Variants in B3GNT2 observed in about 807,000 individuals in gnomAD.
B3GNT2 encodes the protein N-acetyllactosaminide beta-1,3-N-acetylglucosaminyltransferase 2.
B3GNT2 carries 12 observed loss-of-function variants against 27.6 expected under a neutral mutation model. The ratio of observed to expected loss-of-function variants is 0.44; its 90% CI spans 0.28 to 0.71. The LOEUF (loss-of-function observed/expected upper bound fraction) is 0.71. B3GNT2 is among the 30% of genes least tolerant of loss of function. B3GNT2 has a pLI of 0.17. For missense variants in B3GNT2, 413 were observed against 488.5 expected, an observed-to-expected ratio of 0.85 and a Z score of 1.46; for synonymous variants, 192 against 189.7, an observed-to-expected ratio of 1.01 and a Z score of -0.10.
rs141168002 is a variant in B3GNT2 at position 62,213,901 on chromosome 2, A to G, written c.-9-8311A>G. Reference sequence around the variant, plus strand: ...GTAAACTTGTCCAGATGACCAAAGTATCTGTTCCTTTAGCAAATGCTGGGT... The same window carrying G: ...GTAAACTTGTCCAGATGACCAAAGTGTCTGTTCCTTTAGCAAATGCTGGGT... On this transcript the variant is annotated intron_variant, in intron 1 of 1. Transcript: ENST00000301998. Among the ~76,000 whole-genome samples, 392 of 152,312 alleles carry G rather than the reference A, an allele frequency of 2.6e-3. 5 individuals carry two copies. Among genetic ancestry groups the G allele is most frequent in the African/African-American group, 8.9e-3 (369 of 41,558 alleles).
Position 62,223,776 on chromosome 2 carries a change from T to A in B3GNT2, c.*362T>A, listed in dbSNP as rs1674772502. The A allele has an allele frequency of 5.4e-6, 1 of 184,552 alleles. No individual in the cohort carries two copies. The highest frequency in any genetic ancestry group is 1.6e-4 in the South Asian group (1 of 6,064). The allele number at this position is 184,552 out of a possible 1,614,324, so 11.4% of individuals were successfully genotyped here. A position where few individuals can be genotyped will look rare whatever the true frequency, so the allele number is the denominator to read the frequency against. On this transcript the variant is annotated 3_prime_UTR_variant, in exon 2 of 2. Coordinates refer to ENST00000301998, the MANE Select transcript of B3GNT2 (RefSeq NM_006577.6). ...CTTCCCATAATAATGACTGATTTAT[T>A]TGTAATTCAGGTATTTATAAACCTA...
At chr2:62,208,041 G>A (rs1674410512) in intron 1 of B3GNT2, among the ~76,000 whole-genome samples, 1 of 152,154 alleles carries the variant, frequency 6.6e-6, no homozygotes, top group African/African-American at 2.4e-5. Flanking sequence ...GAGTTTGAGA[G>A]GGGTCATCTT....
intron 1 of B3GNT2, among the ~76,000 whole-genome samples, chr2:62,214,239 G>T (rs2104203040): frequency 6.6e-6 from 1 of 152,348 alleles, no homozygotes; most frequent in Middle Eastern, 3.4e-3. Context: ...GGAACAGCAT[G>T]AGCAGGGAGG....
chr2:62,207,398 T>TA (rs760085572), intron 1 of B3GNT2, among the ~76,000 whole-genome samples: 1 of 152,166 alleles, frequency 6.6e-6, no homozygotes, highest in African/African-American at 2.4e-5. Context: ...TGGTTAGACT[T>TA]ACGGTTCTTG....
chr2:62,208,643 G>A (rs539437285), intron 1 of B3GNT2, among the ~76,000 whole-genome samples: 1 of 152,120 alleles, frequency 6.6e-6, no homozygotes, highest in Non-Finnish European at 1.5e-5. Flanking sequence ...GCTGGGGAGG[G>A]GGGTGTGTGT....
intron 1 of B3GNT2, among the ~76,000 whole-genome samples, chr2:62,218,164 A>C (rs1317668851): frequency 6.6e-6 from 1 of 152,216 alleles, no homozygotes; most frequent in Non-Finnish European, 1.5e-5. Context: ...GTTTAGTCAG[A>C]TATTTAGAGA....
chr2:62,203,728 AAG>A (rs1469576641), intron 1 of B3GNT2, among the ~76,000 whole-genome samples: 1 of 152,158 alleles, frequency 6.6e-6, no homozygotes, highest in African/African-American at 2.4e-5. Context: ...CTATTGGTGC[AAG>A]ACCCCAGAAG....
At chr2:62,214,152 A>G (rs1057154106) in intron 1 of B3GNT2, among the ~76,000 whole-genome samples, 11 of 152,248 alleles carry the variant, frequency 7.2e-5, no homozygotes, top group Admixed American at 7.2e-4. Context: ...AAGGAGTTCT[A>G]GAAAACAACA....
At position 62,223,065 on chromosome 2, in the gene B3GNT2, A is replaced by G. The variant is rs906225929; in HGVS notation, c.845A>G (p.His282Arg). The G allele has an allele frequency of 6.2e-7, 1 of 1,614,128 alleles. No homozygotes were observed. Among genetic ancestry groups the G allele is most frequent in the Non-Finnish European group, 8.5e-7 (1 of 1,180,048 alleles). Residue 282 changes from histidine to arginine, a missense_variant, in exon 2 of 2, where the codon CAT becomes CGT. Transcript: ENST00000301998. ...GATGTGATCCACAATGCTGGACCTC[A>G]TCGGGATAAGAAGCTGAAGTACTAC... is the stretch of plus-strand genomic sequence containing the variant. ...IGDVIHNAGP[H>R]RDKKLKYYIP...
chr2:62,217,583 A>G (rs1674600741), intron 1 of B3GNT2, among the ~76,000 whole-genome samples: 2 of 152,150 alleles, frequency 1.3e-5, no homozygotes, highest in Admixed American at 1.3e-4. Flanking sequence ...TCTATGCAGC[A>G]CTGTAGGGGT....
In B3GNT2 at chr2:62,222,242, A is replaced by G. The variant is rs375165204; in HGVS notation, c.22A>G (p.Ile8Val). The stretch of plus-strand genomic sequence containing the variant: ...AGAAATGAGTGTTGGACGTCGAAGA[A>G]TAAAGTTGTTGGGTATCCTGATGAT... MSVGRRR[I>V]KLLGILMMAN... is the part of the protein sequence containing the mutation. Residue 8 changes from isoleucine (I) to valine (V), a missense_variant, in exon 2 of 2, where the codon ATA (isoleucine) becomes GTA (valine). Physicochemically the swap from Ile to Val is conservative, Grantham distance 29 (BLOSUM62 3). Transcript: ENST00000301998. The surrounding 1 kb of genome is among the most constrained non-coding windows in gnomAD (Gnocchi z 4.2). 4 of 1,607,416 alleles carry G rather than the reference A, an allele frequency of 2.5e-6. No homozygotes were observed. In the African/African-American group the frequency reaches 5.4e-5, roughly 22 times the overall value.
intron 1 of B3GNT2, among the ~76,000 whole-genome samples, chr2:62,217,894 C>A (rs768992566): frequency 3.9e-5 from 6 of 152,168 alleles, no homozygotes; most frequent in Non-Finnish European, 8.8e-5. Context: ...TAAATATTTT[C>A]ATTTCATTAA....
At chr2:62,208,858 C>G (rs888216214) in intron 1 of B3GNT2, among the ~76,000 whole-genome samples, 2 of 152,062 alleles carry the variant, frequency 1.3e-5, no homozygotes, top group African/African-American at 2.4e-5. Context: ...CTTGGTGTGT[C>G]AGACCTGTTA....
chr2:62,206,634 C>G (rs1370767464), intron 1 of B3GNT2, among the ~76,000 whole-genome samples: 1 of 152,206 alleles, frequency 6.6e-6, no homozygotes, highest in Admixed American at 6.5e-5. Flanking sequence ...GAGTGATCCT[C>G]TCACTTCCAC....
intron 1 of B3GNT2, chr2:62,221,785 G>A (rs754356073): frequency 5.9e-6 from 3 of 509,504 alleles, no homozygotes; most frequent in Non-Finnish European, 7.8e-6. Context: ...AAATGTATTT[G>A]TTATAATTTA....
intron 1 of B3GNT2, among the ~76,000 whole-genome samples, chr2:62,214,083 A>T (rs10518939): frequency 0.14 from 21,488 of 152,260 alleles, 1,965 homozygotes; most frequent in South Asian, 0.28. Flanking sequence ...CTTGGGCAGG[A>T]AATCTCTAAG....
chr2:62,215,187 A>G (rs1467470007), intron 1 of B3GNT2, among the ~76,000 whole-genome samples: 1 of 152,218 alleles, frequency 6.6e-6, no homozygotes, highest in Non-Finnish European at 1.5e-5. Flanking sequence ...TAGATTCATT[A>G]TAAATACGTT....
chr2:62,208,211 C>G (rs965062154), intron 1 of B3GNT2, among the ~76,000 whole-genome samples: 1 of 123,444 alleles, frequency 8.1e-6, no homozygotes, highest in East Asian at 2.8e-4. Context: ...CTCCTTCCTT[C>G]CCCCCTTCCT....
At chr2:62,221,668 A>G (rs1032985746) in intron 1 of B3GNT2, among the ~76,000 whole-genome samples, 12 of 152,214 alleles carry the variant, frequency 7.9e-5, no homozygotes, top group African/African-American at 2.2e-4. Context: ...AAGTTTTTCA[A>G]ATGAAATAGA....
Sources: gnomAD v4.1 joint callset for allele counts (sites outside exome capture counted in the v4.1 genomes callset) on GRCh38, gnomAD v4.1.1 for gene constraint, Gnocchi (gnomAD v3.1) non-coding constraint, MANE v1.5 for transcripts, NCBI Gene and HGNC (gene_info 2026-07-23, HGNC 2026-07-21) for gene names.